BCAS3: variants seen among roughly 807,000 people sequenced by gnomAD.
BCAS3 encodes the protein BCAS4/BCAS3 fusion.
Under a neutral mutation model 116.1 loss-of-function variants are expected in BCAS3, and 53 were observed. The ratio of observed to expected loss-of-function variants is 0.46; its 90% CI spans 0.37 to 0.57. The LOEUF (loss-of-function observed/expected upper bound fraction) is 0.57, where lower values mean the gene tolerates loss of function less well. Ranked by LOEUF, BCAS3 falls within the 20% of genes least tolerant of loss-of-function variation. The probability of loss-of-function intolerance (pLI) is 0.00; values close to 1 mark genes in which losing one functional copy is unlikely to be tolerated. For missense variants in BCAS3, 917 were observed against 1,165.4 expected (o/e 0.79, Z 3.10); for synonymous variants, 391 against 408.2 (o/e 0.96, Z 0.51).
Position 60,967,386 on chromosome 17 carries a change from A to G in BCAS3, c.1221+20034A>G, listed in dbSNP as rs2061716719. ...GTTGTTATACTCCCTCCTGGCTTAT[A>G]TGATTTACACTGGGAAGTCTGTTGC... On this transcript the variant is annotated intron_variant, in intron 14 of 23. Transcript: ENST00000407086. The surrounding 1 kb of genome is among the most constrained non-coding windows in gnomAD (Gnocchi z 4.7). Among the ~76,000 whole-genome samples the G allele has an allele frequency of 1.3e-5, 2 of 152,126 alleles. No homozygotes were observed. The highest frequency in any genetic ancestry group is 1.3e-4 in the Admixed American group (2 of 15,274).
rs1002844819 is a variant in BCAS3, at chr17:60,962,618, C to A, written c.1221+15266C>A. 6.6e-6 allele frequency among the ~76,000 whole-genome samples: 1 copy of A among 152,028 alleles called. No homozygotes were observed. Among genetic ancestry groups the A allele is most frequent in the African/African-American group, 2.4e-5 (1 of 41,416 alleles). ...GGTTTTTGCTATTGAGTTACTTGAG[C>A]TCTTTATATATTATAGTTATAAATT... On this transcript the variant is annotated intron_variant, in intron 14 of 23. Coordinates refer to ENST00000407086, the MANE Select transcript of BCAS3 (RefSeq NM_017679.5). The surrounding 1 kb of genome is among the most constrained non-coding windows in gnomAD (Gnocchi z 4.4).
chr17:60,918,984 C>T (rs999621683), intron 12 of BCAS3, among the ~76,000 whole-genome samples: 9 of 151,956 alleles, frequency 5.9e-5, no homozygotes, highest in Non-Finnish European at 1.0e-4. Context: ...TGAGCCACTG[C>T]ACCTGGACTC....
At position 61,347,194 on chromosome 17, in the gene BCAS3, G is replaced by A. The variant is rs8073813; in HGVS notation, c.2426-21133G>A. On this transcript the variant is annotated intron_variant, in intron 22 of 23. Transcript: ENST00000407086. This position sits in a 1 kb window ranked among gnomAD's most constrained non-coding sequence, Gnocchi z 4.3. The stretch of plus-strand genomic sequence containing the variant: ...GGTTCAAGCGATTCTCCTGCCTCCC[G>A]CCTCAGCCTCCCGAGTAGCTGGGAT... Among the ~76,000 whole-genome samples, 41 of 152,036 alleles carry A rather than the reference G, an allele frequency of 2.7e-4. No homozygotes were observed. Among genetic ancestry groups the A allele is most frequent in the African/African-American group, 8.9e-4 (37 of 41,470 alleles).
At chr17:60,817,748 G>A (rs955428703) in intron 7 of BCAS3, among the ~76,000 whole-genome samples, 1 of 152,004 alleles carries the variant, frequency 6.6e-6, no homozygotes, top group Admixed American at 6.5e-5. Flanking sequence ...TCCAAGACTG[G>A]ATTTTAAGAA....
In BCAS3 at chr17:61,077,131, T is replaced by G. The variant is rs1012321501; in HGVS notation, c.2131-1202T>G. On this transcript the variant is annotated intron_variant, in intron 20 of 23. Transcript: ENST00000407086. This position sits in a 1 kb window ranked among gnomAD's most constrained non-coding sequence, Gnocchi z 4.3. The stretch of plus-strand genomic sequence containing the variant: ...TATTTAGTCTCTCATTCGAGTTGAT[T>G]ATTTGTAAAAAAAAAAAAAAATCAT... Among the ~76,000 whole-genome samples, 1 of 139,000 alleles carries G rather than the reference T, an allele frequency of 7.2e-6. No individual in the cohort carries two copies. Among genetic ancestry groups the G allele is most frequent in the African/African-American group, 3.2e-5 (1 of 31,064 alleles). 91.2% of individuals were successfully genotyped at this position (139,000 alleles called of 152,430 possible). A position where few individuals can be genotyped will look rare whatever the true frequency, so the allele number is the denominator to read the frequency against.
intron 22 of BCAS3, among the ~76,000 whole-genome samples, chr17:61,168,016 G>C (rs778508084): frequency 2.0e-5 from 3 of 152,134 alleles, no homozygotes; most frequent in Non-Finnish European, 4.4e-5. Flanking sequence ...ATACGGCGCT[G>C]CCTGCCTCCT....
At chr17:61,039,629 G>T (rs2067342032) in intron 18 of BCAS3, among the ~76,000 whole-genome samples, 1 of 152,088 alleles carries the variant, frequency 6.6e-6, no homozygotes, top group South Asian at 2.1e-4. Context: ...CACTGTGTTA[G>T]TCAGGATGGT....
chr17:61,222,915 T>C lies in BCAS3; in HGVS notation c.2425+138351T>C, dbSNP rs2082185713. Among the ~76,000 whole-genome samples, 1 of 152,222 alleles carries C rather than the reference T, an allele frequency of 6.6e-6. No individual in the cohort carries two copies. The highest frequency in any genetic ancestry group is 2.4e-5 in the African/African-American group (1 of 41,460). ...CTGAAAGATGGGGGTTGTAATTTGTTTGCTGTTTAGGAGCCAGCCCTTCAG... is the reference window on the plus strand; with the variant it reads ...CTGAAAGATGGGGGTTGTAATTTGTCTGCTGTTTAGGAGCCAGCCCTTCAG... On this transcript the variant is annotated intron_variant, in intron 22 of 23. Transcript: ENST00000407086. This position sits in a 1 kb window ranked among gnomAD's most constrained non-coding sequence, Gnocchi z 6.1.
At chr17:60,940,976 T>G (rs2060191232) in intron 13 of BCAS3, among the ~76,000 whole-genome samples, 1 of 152,238 alleles carries the variant, frequency 6.6e-6, no homozygotes, top group Admixed American at 6.5e-5. Context: ...GTTAACCAGC[T>G]GACGCCCAGT....
At chr17:61,166,045 A>G (rs2078470866) in intron 22 of BCAS3, among the ~76,000 whole-genome samples, 1 of 152,216 alleles carries the variant, frequency 6.6e-6, no homozygotes, top group Non-Finnish European at 1.5e-5. Context: ...AAAGTAGGTA[A>G]TTGCTGCTTC....
At position 61,249,213 on chromosome 17, in the gene BCAS3, G is replaced by A. The variant is rs1427400872; in HGVS notation, c.2426-119114G>A. 6.6e-6 allele frequency among the ~76,000 whole-genome samples: 1 copy of A among 151,360 alleles called. No homozygotes were observed. Among genetic ancestry groups the A allele is most frequent in the Admixed American group, 6.6e-5 (1 of 15,212 alleles). On this transcript the variant is annotated intron_variant, in intron 22 of 23. Coordinates refer to ENST00000407086, the MANE Select transcript of BCAS3 (RefSeq NM_017679.5). This position sits in a 1 kb window ranked among gnomAD's most constrained non-coding sequence, Gnocchi z 6.2. ...GAGGCAGGAGAATCACTTGAACCCA[G>A]GAGGCAGAGGCTGCAGTGAGCCGAG...
At chr17:60,943,350 A>G (rs1012372660) in intron 13 of BCAS3, among the ~76,000 whole-genome samples, 2 of 152,146 alleles carry the variant, frequency 1.3e-5, no homozygotes, top group African/African-American at 4.8e-5. Flanking sequence ...ACTGTTATCT[A>G]AAAGAAGCCT....
intron 7 of BCAS3, among the ~76,000 whole-genome samples, chr17:60,831,176 T>C (rs1204719658): frequency 6.6e-6 from 1 of 151,368 alleles, no homozygotes; most frequent in Admixed American, 6.6e-5. Context: ...GATTGAGTTA[T>C]ATGTTATGTC....
At position 61,309,332 on chromosome 17, in the gene BCAS3, C is replaced by T. The variant is rs1210006660; in HGVS notation, c.2426-58995C>T. ...AGGGTAATAAGGGCTGGTGGAGAGG[C>T]GGTGTCCATTTTTTGACGGAACTGG... On this transcript the variant is annotated intron_variant, in intron 22 of 23. Coordinates refer to ENST00000407086, the MANE Select transcript of BCAS3 (RefSeq NM_017679.5). The surrounding 1 kb of genome is among the most constrained non-coding windows in gnomAD (Gnocchi z 4.6). Among the ~76,000 whole-genome samples, 1 of 152,098 alleles carries T rather than the reference C, an allele frequency of 6.6e-6. No homozygotes were observed. The highest frequency in any genetic ancestry group is 6.6e-5 in the Admixed American group (1 of 15,262).
chr17:61,118,280 C>T lies in BCAS3; in HGVS notation c.2425+33716C>T, dbSNP rs2075595551. Among the ~76,000 whole-genome samples, 1 of 152,066 alleles carries T rather than the reference C, an allele frequency of 6.6e-6. No individual in the cohort carries two copies. Among genetic ancestry groups the T allele is most frequent in the Admixed American group, 6.6e-5 (1 of 15,262 alleles). ...TTACTACTTGGGAGAGATGGAAGTC[C>T]CGGCTCCCAACGTAGTCTCCAATGA... On this transcript the variant is annotated intron_variant, in intron 22 of 23. Coordinates refer to ENST00000407086, the MANE Select transcript of BCAS3 (RefSeq NM_017679.5). This position sits in a 1 kb window ranked among gnomAD's most constrained non-coding sequence, Gnocchi z 5.0.
At chr17:61,360,211 G>C (rs1269715081) in intron 22 of BCAS3, among the ~76,000 whole-genome samples, 1 of 151,948 alleles carries the variant, frequency 6.6e-6, no homozygotes, top group Non-Finnish European at 1.5e-5. Context: ...CACCATATTG[G>C]TCAGGCTGGT....
intron 6 of BCAS3, among the ~76,000 whole-genome samples, chr17:60,781,508 A>C (rs1179510860): frequency 1.1e-4 from 17 of 152,064 alleles, no homozygotes; most frequent in Admixed American, 1.1e-3. Flanking sequence ...CTGAGGCACG[A>C]GAATCTCTTG....
intron 6 of BCAS3, among the ~76,000 whole-genome samples, chr17:60,752,946 G>A (rs2042621269): frequency 2.6e-5 from 4 of 152,106 alleles, no homozygotes; most frequent in Admixed American, 2.6e-4. Flanking sequence ...CTAGGCTCAA[G>A]CAATCTTCCC....
intron 15 of BCAS3, among the ~76,000 whole-genome samples, chr17:61,014,517 A>G (rs552974218): frequency 2.6e-5 from 4 of 152,262 alleles, no homozygotes; most frequent in South Asian, 4.1e-4. Flanking sequence ...TTACACTTCT[A>G]TATTAAAAAA....
Sources: gnomAD v4.1 joint callset for allele counts (sites outside exome capture counted in the v4.1 genomes callset) on GRCh38, gnomAD v4.1.1 for gene constraint, Gnocchi (gnomAD v3.1) non-coding constraint, MANE v1.5 for transcripts, NCBI Gene and HGNC (gene_info 2026-07-23, HGNC 2026-07-21) for gene names.